Variants in ABCA1 observed in about 807,000 individuals in gnomAD.
ABCA1 encodes the protein ATP binding cassette subfamily A member 1, also known as phospholipid-transporting ATPase ABCA1.
ABCA1 carries 133 observed loss-of-function variants against 262.5 expected under a neutral mutation model. That is an observed-to-expected ratio of 0.51 (90% CI 0.44 to 0.59). The LOEUF is 0.59. Among genes scored for constraint, ABCA1 ranks in the 20% least tolerant of loss-of-function variants. The probability of loss-of-function intolerance (pLI) is 0.00; values close to 1 mark genes in which losing one functional copy is unlikely to be tolerated. For missense variants in ABCA1, 2,452 were observed against 2,777.5 expected (o/e 0.88, Z 2.63); for synonymous variants, 1,022 against 1,043.5 (o/e 0.98, Z 0.40).
rs1364623175 is a variant in ABCA1 at position 104,802,098 on chromosome 9, T to A, written c.4654A>T (p.Asn1552Tyr). Reference protein sequence around the residue: ...TQALPPSQEVNDAIKQMKKHL... With the variant: ...TQALPPSQEVYDAIKQMKKHL... ...TTCTTCATTTGTTTGATGGCATCAT[T>A]AACTTCTTGACTCGGAGGAAGTGCT... Residue 1552 changes from asparagine (N) to tyrosine (Y), a missense_variant, in exon 34 of 50, where the codon AAT becomes TAT. By Grantham distance (143) the Asn-to-Tyr change is moderately radical. Around this residue, in one of 4 missense-constraint regions of ABCA1, gnomAD observed 752 missense variants for 944.5 expected, o/e 0.80. Transcript: ENST00000374736. 5 of 1,614,106 alleles carry A rather than the reference T, an allele frequency of 3.1e-6. No homozygotes were observed. The African/African-American group carries it at 6.7e-5, about 22-fold the overall frequency.
Position 104,783,899 on chromosome 9 carries a change from G to A in ABCA1, c.*416C>T, listed in dbSNP as rs73517867. 9.2e-4 allele frequency: 162 copies of A among 176,256 alleles called. 1 individual carries two copies. The highest frequency in any genetic ancestry group is 3.7e-3 in the African/African-American group (155 of 41,832). The allele number at this position is 176,256 out of a possible 1,614,324, so 10.9% of individuals were successfully genotyped here. On this transcript the variant is annotated 3_prime_UTR_variant, in exon 50 of 50. Transcript: ENST00000374736. Reference sequence around the variant, plus strand: ...CTGGGCATGGCATGGCTTAGTGAATGAGGATGTGCATTACCTTTTGATTTT... The same window carrying A: ...CTGGGCATGGCATGGCTTAGTGAATAAGGATGTGCATTACCTTTTGATTTT...
intron 2 of ABCA1, among the ~76,000 whole-genome samples, chr9:104,891,379 G>A (rs913379652): frequency 1.3e-5 from 2 of 151,788 alleles, no homozygotes; most frequent in Non-Finnish European, 2.9e-5. Flanking sequence ...GGCCAACATG[G>A]TGAAACCCCA....
chr9:104,913,852 G>A (rs552122859), intron 1 of ABCA1, among the ~76,000 whole-genome samples: 6 of 152,254 alleles, frequency 3.9e-5, no homozygotes, highest in Admixed American at 2.6e-4. Flanking sequence ...CTGGAGTGCA[G>A]TGGCGCGATC....
At chr9:104,826,788 T>C (rs545297200) in intron 16 of ABCA1, among the ~76,000 whole-genome samples, 160 bp downstream of exon 16, 55 of 152,312 alleles carry the variant, frequency 3.6e-4, no homozygotes, top group African/African-American at 1.3e-3. Context: ...TAAAACACAA[T>C]GCTTGCCCTT....
intron 7 of ABCA1, among the ~76,000 whole-genome samples, chr9:104,847,762 C>T (rs956902596): frequency 6.6e-6 from 1 of 152,222 alleles, no homozygotes; most frequent in African/African-American, 2.4e-5. Flanking sequence ...GGATAAAATG[C>T]CTTTCTCCCC....
At chr9:104,911,296 T>C (rs1841481171) in intron 1 of ABCA1, among the ~76,000 whole-genome samples, 1 of 152,186 alleles carries the variant, frequency 6.6e-6, no homozygotes, top group Non-Finnish European at 1.5e-5. Flanking sequence ...CCTATAATAT[T>C]AGGACATGAA....
At chr9:104,857,324 C>T (rs1835931434) in intron 7 of ABCA1, among the ~76,000 whole-genome samples, 1 of 151,966 alleles carries the variant, frequency 6.6e-6, no homozygotes, top group Non-Finnish European at 1.5e-5. Context: ...CCTCCACCTC[C>T]TAGGCTCAAG....
chr9:104,890,648 C>T lies in ABCA1; in HGVS notation c.67-1453G>A, dbSNP rs140946339. On this transcript the variant is annotated intron_variant, in intron 2 of 49. Transcript: ENST00000374736. ...ACAGGGTCTTGCTCCATCGTCCAGGCGGTACGATCCGGAGATCATAGCTCA... is the reference window on the plus strand; with the variant it reads ...ACAGGGTCTTGCTCCATCGTCCAGGTGGTACGATCCGGAGATCATAGCTCA... 8.6e-5 allele frequency among the ~76,000 whole-genome samples: 13 copies of T among 151,410 alleles called. No individual in the cohort carries two copies. The East Asian group carries it at 1.9e-3, about 23-fold the overall frequency.
Position 104,816,267 on chromosome 9 carries a change from G to A in ABCA1, c.3614C>T (p.Thr1205Ile). 3 of 1,614,106 alleles carry A rather than the reference G, an allele frequency of 1.9e-6. No homozygotes were observed. The highest frequency in any genetic ancestry group is 4.5e-5 in the East Asian group (2 of 44,868). Residue 1205 changes from threonine to isoleucine, a missense_variant, in exon 25 of 50, where the codon ACC (threonine) becomes ATC (isoleucine). By Grantham distance (89) the Thr-to-Ile change is moderately conservative. Transcript: ENST00000374736. The stretch of plus-strand genomic sequence containing the variant: ...AGCAGCTTCATATGGCAGCACATAG[G>A]TCAGCTCATGCCCTATGTCTTCCAC... ...RLVEDIGHELTYVLPYEAAKE... is the reference protein window; with the variant it reads ...RLVEDIGHELIYVLPYEAAKE...
At chr9:104,893,946 C>A (rs543557911) in intron 2 of ABCA1, among the ~76,000 whole-genome samples, 1 of 152,138 alleles carries the variant, frequency 6.6e-6, no homozygotes, top group Non-Finnish European at 1.5e-5. Flanking sequence ...GTACTCAAGA[C>A]GTTTTGTGTA....
chr9:104,794,068 T>C (rs4149326), intron 40 of ABCA1, among the ~76,000 whole-genome samples: 19,732 of 152,238 alleles, frequency 0.13, 2,603 homozygotes, highest in African/African-American at 0.33. Context: ...CTCAAAGTTA[T>C]GGTTTGACTT....
chr9:104,904,378 G>C (rs1032723980), intron 1 of ABCA1, among the ~76,000 whole-genome samples: 1 of 152,024 alleles, frequency 6.6e-6, no homozygotes, highest in Non-Finnish European at 1.5e-5. Flanking sequence ...GACCATCCTA[G>C]CCAATACGGT....
At position 104,784,132 on chromosome 9, in the gene ABCA1, G is replaced by T; in HGVS notation, c.*183C>A. On this transcript the variant is annotated 3_prime_UTR_variant, in exon 50 of 50. Coordinates refer to ENST00000374736, the MANE Select transcript of ABCA1 (RefSeq NM_005502.4). Reference sequence around the variant, plus strand: ...ACAAGACATAGGCTACAAAGGCACTGCCCCTGTAATGGAATTTTGTTTTCA... The same window carrying T: ...ACAAGACATAGGCTACAAAGGCACTTCCCCTGTAATGGAATTTTGTTTTCA... 1.4e-6 allele frequency: 1 copy of T among 705,246 alleles called. No individual in the cohort carries two copies. Among genetic ancestry groups the T allele is most frequent in the Non-Finnish European group, 2.4e-6 (1 of 425,384 alleles). The allele number at this position is 705,246 out of a possible 1,614,324, so 43.7% of individuals were successfully genotyped here. A position where few individuals can be genotyped will look rare whatever the true frequency, so the allele number is the denominator to read the frequency against.
intron 5 of ABCA1, among the ~76,000 whole-genome samples, chr9:104,865,201 A>C (rs1564204500): frequency 6.6e-6 from 1 of 152,202 alleles, no homozygotes; most frequent in East Asian, 1.9e-4. Flanking sequence ...CTTCACAAAA[A>C]TCCCAAAGCC....
intron 49 of ABCA1, 128 bp downstream of exon 49, chr9:104,785,268 T>C: frequency 7.9e-7 from 1 of 1,265,468 alleles, no homozygotes; most frequent in African/African-American, 1.5e-5. Context: ...AAAGCATAGC[T>C]AGGAATAGTA....
At chr9:104,810,162 A>G (rs1214618666) in intron 29 of ABCA1, among the ~76,000 whole-genome samples, 1 of 137,720 alleles carries the variant, frequency 7.3e-6, no homozygotes, top group African/African-American at 3.0e-5. Flanking sequence ...ATATATATAT[A>G]TATATACTTT....
At chr9:104,816,774 C>T (rs1831813022) in intron 24 of ABCA1, among the ~76,000 whole-genome samples, 2 of 152,102 alleles carry the variant, frequency 1.3e-5, no homozygotes, top group African/African-American at 4.8e-5. Flanking sequence ...CTTTCCTATG[C>T]TTATAAAGTA....
Position 104,831,704 on chromosome 9 carries a change from T to C in ABCA1, c.1633A>G (p.Ser545Gly). 6.2e-7 allele frequency: 1 copy of C among 1,614,260 alleles called. No homozygotes were observed. The highest frequency in any genetic ancestry group is 8.5e-7 in the Non-Finnish European group (1 of 1,180,048). Residue 545 changes from serine to glycine, a missense_variant, in exon 13 of 50, where the codon AGC (serine) becomes GGC (glycine). This residue lies in a region of ABCA1 where 1,032 missense variants were observed against 1,089.7 expected (regional missense o/e 0.95). Coordinates refer to ENST00000374736, the MANE Select transcript of ABCA1 (RefSeq NM_005502.4). ...TTGACATGATGGGGCAGCTCAATGCTGCCTGGAGTAATTCCAGTGAACACA... is the reference window on the plus strand; with the variant it reads ...TTGACATGATGGGGCAGCTCAATGCCGCCTGGAGTAATTCCAGTGAACACA... Reference protein sequence around the residue: ...GIVFTGITPGSIELPHHVKYK... With the variant: ...GIVFTGITPGGIELPHHVKYK...
chr9:104,881,981 G>A (rs1013636605), intron 5 of ABCA1, among the ~76,000 whole-genome samples: 2 of 129,124 alleles, frequency 1.5e-5, no homozygotes, highest in Non-Finnish European at 3.1e-5. Context: ...GTCCCACATT[G>A]CCCATTGCCT....
Sources: gnomAD v4.1 joint callset for allele counts (sites outside exome capture counted in the v4.1 genomes callset) on GRCh38, gnomAD v4.1.1 for gene constraint, gnomAD v4.1.1 regional missense constraint, MANE v1.5 for transcripts, NCBI Gene and HGNC (gene_info 2026-07-23, HGNC 2026-07-21) for gene names.